Variants in TSPAN5 observed in about 807,000 individuals in gnomAD.
TSPAN5 encodes tetraspanin-5.
Under a neutral mutation model 37.1 loss-of-function variants are expected in TSPAN5, and 10 were observed. That is an observed-to-expected ratio of 0.27 (90% CI 0.17 to 0.46). The LOEUF (loss-of-function observed/expected upper bound fraction) is 0.46. TSPAN5 is among the 20% of genes least tolerant of loss of function. The pLI, the probability that TSPAN5 is intolerant of heterozygous loss-of-function variation, is 1.00. For synonymous variants in TSPAN5, 110 were observed against 118.9 expected (o/e 0.93, Z 0.48); for missense variants, 195 against 326.6 (o/e 0.60, Z 3.11).
At chr4:98,476,597 C>T (rs1752703205) in intron 5 of TSPAN5, 137 bp from the exon 6 acceptor site, 1 of 727,958 alleles carries the variant, frequency 1.4e-6, no homozygotes, top group Non-Finnish European at 2.4e-6. Context: ...CTATGTTAAA[C>T]ACTTTATATA....
intron 1 of TSPAN5, among the ~76,000 whole-genome samples, chr4:98,527,661 C>T (rs1429884371): frequency 2.0e-5 from 3 of 152,148 alleles, no homozygotes; most frequent in Non-Finnish European, 2.9e-5. Flanking sequence ...TCGCCCCAGC[C>T]CTCTGTTCTC....
intron 1 of TSPAN5, among the ~76,000 whole-genome samples, chr4:98,594,405 T>C (rs1755718381): frequency 1.9e-5 from 1 of 53,896 alleles, no homozygotes; most frequent in Non-Finnish European, 3.0e-5. Context: ...TTTGACTTCC[T>C]CTTTTCCTAA....
chr4:98,634,079 CA>C (rs35396592), intron 1 of TSPAN5, among the ~76,000 whole-genome samples: 14 of 130,762 alleles, frequency 1.1e-4, no homozygotes, highest in African/African-American at 1.7e-4. Context: ...AACTCTGTCT[CA>C]AAAAAAAAAG....
chr4:98,649,661 GT>G (rs1414186838), intron 1 of TSPAN5, among the ~76,000 whole-genome samples: 1 of 152,124 alleles, frequency 6.6e-6, no homozygotes, highest in African/African-American at 2.4e-5. Flanking sequence ...TATTTTCCTG[GT>G]TTTTTTAGAT....
chr4:98,572,520 G>GT (rs1375842857), intron 1 of TSPAN5, among the ~76,000 whole-genome samples: 2 of 152,354 alleles, frequency 1.3e-5, no homozygotes, highest in Admixed American at 6.5e-5. Flanking sequence ...AGCAGGAAAA[G>GT]TAAGATCATA....
chr4:98,497,489 TTTG>T (rs1362275704), intron 2 of TSPAN5, among the ~76,000 whole-genome samples: 1 of 152,044 alleles, frequency 6.6e-6, no homozygotes, highest in Non-Finnish European at 1.5e-5. Flanking sequence ...GAGAGAAATG[TTTG>T]TTATTTAAGC....
intron 1 of TSPAN5, among the ~76,000 whole-genome samples, chr4:98,590,413 G>T (rs953854062): frequency 5.9e-5 from 9 of 152,086 alleles, no homozygotes; most frequent in African/African-American, 2.2e-4. Flanking sequence ...GGACACTAAG[G>T]CTCAAGAGAT....
intron 1 of TSPAN5, among the ~76,000 whole-genome samples, chr4:98,587,721 C>T (rs1445589896): frequency 1.3e-5 from 2 of 152,134 alleles, no homozygotes; most frequent in African/African-American, 4.8e-5. Context: ...AACCCTGTCT[C>T]TACTAAAATA....
intron 1 of TSPAN5, among the ~76,000 whole-genome samples, chr4:98,520,925 CACT>C (rs1753838928): frequency 1.4e-5 from 2 of 145,250 alleles, no homozygotes; most frequent in Non-Finnish European, 3.0e-5. Context: ...CTCACATCTA[CACT>C]TTTTTGGGGG....
chr4:98,552,385 T>C (rs1413318868), intron 1 of TSPAN5, among the ~76,000 whole-genome samples: 1 of 152,250 alleles, frequency 6.6e-6, no homozygotes, highest in African/African-American at 2.4e-5. Flanking sequence ...GGTTTCACTA[T>C]GCTGTATTTT....
At chr4:98,653,553 C>T (rs1757235389) in intron 1 of TSPAN5, among the ~76,000 whole-genome samples, 1 of 152,088 alleles carries the variant, frequency 6.6e-6, no homozygotes, top group Non-Finnish European at 1.5e-5. Flanking sequence ...TTTGCCTCAT[C>T]TTCTTGGCAG....
chr4:98,490,841 A>G (rs1328695502), intron 2 of TSPAN5, among the ~76,000 whole-genome samples: 1 of 152,162 alleles, frequency 6.6e-6, no homozygotes, highest in East Asian at 1.9e-4. Context: ...CGGGCAGATC[A>G]CGAGGTCAGG....
chr4:98,600,197 C>T (rs958817198), intron 1 of TSPAN5, among the ~76,000 whole-genome samples: 12 of 152,128 alleles, frequency 7.9e-5, no homozygotes, highest in Non-Finnish European at 1.6e-4. Context: ...GCCTTTAGCA[C>T]ATCGTAATCT....
At chr4:98,491,465 A>C (rs1452693812) in intron 2 of TSPAN5, among the ~76,000 whole-genome samples, 1 of 152,168 alleles carries the variant, frequency 6.6e-6, no homozygotes, top group South Asian at 2.1e-4. Context: ...CAAGGCGGAC[A>C]GATCATGAGG....
In TSPAN5 at chr4:98,554,731, G is replaced by C. The variant is rs575159918; in HGVS notation, c.82-47003C>G. Among the ~76,000 whole-genome samples, 6 of 152,226 alleles carry C rather than the reference G, an allele frequency of 3.9e-5. No homozygotes were observed. In the South Asian group the frequency reaches 1.2e-3, roughly 32 times the overall value. On this transcript the variant is annotated intron_variant, in intron 1 of 7. Coordinates refer to ENST00000305798, the MANE Select transcript of TSPAN5 (RefSeq NM_005723.4). Reference sequence around the variant, plus strand: ...CAGAAAATATAAACTGTTAATACATGCATAAAGTCCAAATGAAAACAAAAG... The same window carrying C: ...CAGAAAATATAAACTGTTAATACATCCATAAAGTCCAAATGAAAACAAAAG...
chr4:98,625,513 A>G (rs1361663245), intron 1 of TSPAN5, among the ~76,000 whole-genome samples: 1 of 152,230 alleles, frequency 6.6e-6, no homozygotes, highest in African/African-American at 2.4e-5. Context: ...CCAAAGAGAA[A>G]AAACAAAAGT....
chr4:98,573,657 G>A (rs1221217585), intron 1 of TSPAN5, among the ~76,000 whole-genome samples: 1 of 152,210 alleles, frequency 6.6e-6, no homozygotes, highest in East Asian at 1.9e-4. Context: ...TGATTTATGA[G>A]AGCAAGAATT....
intron 1 of TSPAN5, among the ~76,000 whole-genome samples, chr4:98,558,217 A>G (rs1754794909): frequency 6.6e-6 from 1 of 150,914 alleles, no homozygotes; most frequent in African/African-American, 2.4e-5. Flanking sequence ...TATTAAATGT[A>G]TGTTCGAATG....
chr4:98,645,222 A>G (rs879630675), intron 1 of TSPAN5, among the ~76,000 whole-genome samples: 2 of 152,220 alleles, frequency 1.3e-5, no homozygotes, highest in Non-Finnish European at 2.9e-5. Flanking sequence ...ATAACAAAAG[A>G]AAAGAGGCCT....
Sources: gnomAD v4.1 joint callset for allele counts (sites outside exome capture counted in the v4.1 genomes callset) on GRCh38, gnomAD v4.1.1 for gene constraint, MANE v1.5 for transcripts, NCBI Gene and HGNC (gene_info 2026-07-23, HGNC 2026-07-21) for gene names.